OPTC: variants seen among roughly 807,000 people sequenced by gnomAD.
OPTC encodes oculoglycan.
In OPTC, 22 loss-of-function variants were observed where a neutral mutation model predicts 25.4. The observed-to-expected ratio is 0.87, with a 90% CI of 0.62 to 1.24. The LOEUF (loss-of-function observed/expected upper bound fraction) is 1.24. Ranked by LOEUF, OPTC falls within the 50% of genes most tolerant of loss-of-function variation. The pLI is 0.00. For synonymous variants in OPTC, 169 were observed against 179.3 expected (o/e 0.94, Z 0.46); for missense variants, 417 against 425.2 (o/e 0.98, Z 0.17).
At chr1:203,497,167 C>A (rs1356330794) in intron 3 of OPTC, 52 bp downstream of exon 3, 2 of 1,606,586 alleles carry the variant, frequency 1.2e-6, no homozygotes, top group African/African-American at 2.7e-5. Flanking sequence ...GGCCAAGCAG[C>A]TATGACCCAG....
At chr1:203,495,044 A>C (rs766752091) in intron 1 of OPTC, among the ~76,000 whole-genome samples, 3 of 152,218 alleles carry the variant, frequency 2.0e-5, no homozygotes, top group Non-Finnish European at 4.4e-5. Flanking sequence ...ATAAACTAAC[A>C]TTCTTTTTTA....
chr1:203,498,824 G>T lies in OPTC; in HGVS notation c.514G>T (p.Asp172Tyr). 6.2e-7 allele frequency: 1 copy of T among 1,613,998 alleles called. No individual in the cohort carries two copies. The highest frequency in any genetic ancestry group is 8.5e-7 in the Non-Finnish European group (1 of 1,180,024). Residue 172 changes from aspartate to tyrosine, a missense_variant, in exon 4 of 8, where the codon GAC becomes TAC. Coordinates refer to ENST00000367222, the MANE Select transcript of OPTC (RefSeq NM_014359.4). ...CCGCATCAGCCGTATCAGGGCCGAA[G>T]ACTTCAAAGGGCTGAGTATGTAATG... ...FNRISRIRAEDFKGLTKLKRI... is the reference protein window; with the variant it reads ...FNRISRIRAEYFKGLTKLKRI...
At chr1:203,501,193 C>T (rs1661386547) in intron 5 of OPTC, among the ~76,000 whole-genome samples, 2 of 152,250 alleles carry the variant, frequency 1.3e-5, no homozygotes, top group South Asian at 2.1e-4. Context: ...CTCTGCCTCC[C>T]GTGTTCAAGC....
chr1:203,501,873 C>T (rs1294600293), intron 5 of OPTC, among the ~76,000 whole-genome samples: 1 of 152,122 alleles, frequency 6.6e-6, no homozygotes, highest in East Asian at 1.9e-4. Flanking sequence ...CCTGAAGTTC[C>T]CCACTGCTCA....
rs761109751 is a variant in OPTC at position 203,503,764 on chromosome 1, C to T, written c.*25+19C>T. 4.5e-5 allele frequency: 71 copies of T among 1,587,532 alleles called. No individual in the cohort carries two copies. The highest frequency in any genetic ancestry group is 5.8e-5 in the Non-Finnish European group (68 of 1,171,432). On this transcript the variant is annotated intron_variant, in intron 7 of 7. Coordinates refer to ENST00000367222, the MANE Select transcript of OPTC (RefSeq NM_014359.4). Reference sequence around the variant, plus strand: ...CTCCCAGGTAAGAACCCTCCAAGGACCATGCAGGCATGGGCCTCCAGCCAT... The same window carrying T: ...CTCCCAGGTAAGAACCCTCCAAGGATCATGCAGGCATGGGCCTCCAGCCAT...
chr1:203,498,281 C>T (rs1267990589), intron 3 of OPTC, among the ~76,000 whole-genome samples: 6 of 152,188 alleles, frequency 3.9e-5, no homozygotes, highest in Non-Finnish European at 5.9e-5. Context: ...TTCTCTTCCC[C>T]AAGGCAGATG....
chr1:203,505,121 G>A (rs1205474161), intron 7 of OPTC, among the ~76,000 whole-genome samples: 1 of 152,172 alleles, frequency 6.6e-6, no homozygotes, highest in Non-Finnish European at 1.5e-5. Context: ...GATGAGGCAG[G>A]GAATTCACTT....
At position 203,499,704 on chromosome 1, in the gene OPTC, T is replaced by G; in HGVS notation, c.585T>G (p.Asp195Glu). 1 of 1,613,648 alleles carries G rather than the reference T, an allele frequency of 6.2e-7. No individual in the cohort carries two copies. The highest frequency in any genetic ancestry group is 8.5e-7 in the Non-Finnish European group (1 of 1,179,950). ...ACCTCATTTCCTCCATCGATAATGA[T>G]GCCTTCCGCCTGCTACATGCCCTCC... The part of the protein sequence containing the change: ...SNNLISSIDN[D>E]AFRLLHALQD... The change falls in exon 5 of 8, where the codon GAT (aspartate) becomes GAG (glutamate). Residue 195 changes from aspartate to glutamate, a missense_variant. Physicochemically the swap from Asp to Glu is conservative, Grantham distance 45. Coordinates refer to ENST00000367222, the MANE Select transcript of OPTC (RefSeq NM_014359.4).
At position 203,496,201 on chromosome 1, in the gene OPTC, G is replaced by A. The variant is rs1003793112; in HGVS notation, c.196G>A (p.Glu66Lys). The stretch of plus-strand genomic sequence containing the variant: ...TGAAGTCATTGACCTGAGCAACTAT[G>A]AGGAGCTCACAGATTATGGGGACCA... ...YGEVIDLSNY[E>K]ELTDYGDQLP... Residue 66 changes from glutamate (E) to lysine (K), a missense_variant, in exon 2 of 8, where the codon GAG becomes AAG. Physicochemically the swap from Glu to Lys is moderately conservative, Grantham distance 56. Transcript: ENST00000367222. 3.1e-6 allele frequency: 5 copies of A among 1,613,952 alleles called. No homozygotes were observed. Among genetic ancestry groups the A allele is most frequent in the Non-Finnish European group, 3.4e-6 (4 of 1,179,850 alleles).
Position 203,506,953 on chromosome 1 carries a change from C to A in OPTC, c.*26-1693C>A, listed in dbSNP as rs563213307. Among the ~76,000 whole-genome samples the A allele has an allele frequency of 1.1e-3, 162 of 152,358 alleles. 1 individual carries two copies. The highest frequency in any genetic ancestry group is 1.6e-3 in the Admixed American group (24 of 15,312). ...GCTCCGGGAGGGGTTCCCCAAGGGC[C>A]GCTGCCTCTGCAGCTGTCTCTTGGC... On this transcript the variant is annotated intron_variant, in intron 7 of 7. Coordinates refer to ENST00000367222, the MANE Select transcript of OPTC (RefSeq NM_014359.4).
chr1:203,505,264 C>A (rs1057328701), intron 7 of OPTC, among the ~76,000 whole-genome samples: 1 of 152,174 alleles, frequency 6.6e-6, no homozygotes, highest in Non-Finnish European at 1.5e-5. Flanking sequence ...AATAAGCACA[C>A]CAATAACCAT....
chr1:203,506,398 G>A (rs1017465872), intron 7 of OPTC, among the ~76,000 whole-genome samples: 4 of 151,630 alleles, frequency 2.6e-5, no homozygotes, highest in African/African-American at 4.8e-5. Context: ...TGATCTGCCC[G>A]CCTCGGCCTC....
intron 7 of OPTC, among the ~76,000 whole-genome samples, chr1:203,507,699 G>A (rs1415961405): frequency 6.6e-6 from 1 of 151,938 alleles, no homozygotes; most frequent in Non-Finnish European, 1.5e-5. Context: ...GAGAAAGGAT[G>A]AGTTTGCAAT....
At position 203,498,790 on chromosome 1, in the gene OPTC, AC is replaced by A. The variant is rs1661320196; in HGVS notation, c.481del (p.Arg161AlafsTer16). The A allele has an allele frequency of 6.2e-7, 1 of 1,613,924 alleles. No individual in the cohort carries two copies. Among genetic ancestry groups the A allele is most frequent in the Non-Finnish European group, 8.5e-7 (1 of 1,180,024 alleles). ...LPRRTAYLYA[R>X]FNRISRIRAE... ...CTCGGAGGACTGCCTACCTGTATGCACGCTTCAACCGCATCAGCCGTATCAG... is the reference window on the plus strand; with the variant it reads ...CTCGGAGGACTGCCTACCTGTATGCAGCTTCAACCGCATCAGCCGTATCAG... On this transcript the variant is annotated frameshift_variant, in exon 4 of 8. Transcript: ENST00000367222. LOFTEE classifies it high-confidence loss of function.
At chr1:203,502,697 C>T (rs552294099) in intron 5 of OPTC, among the ~76,000 whole-genome samples, 3 of 152,322 alleles carry the variant, frequency 2.0e-5, no homozygotes, top group Non-Finnish European at 4.4e-5. Flanking sequence ...TCAATGGTAG[C>T]AGCTTTCCTC....
At chr1:203,505,088 C>T (rs969207900) in intron 7 of OPTC, among the ~76,000 whole-genome samples, 6 of 152,114 alleles carry the variant, frequency 3.9e-5, no homozygotes, top group Admixed American at 6.5e-5. Flanking sequence ...GGCCTCAGGC[C>T]TCATGCTAAG....
intron 3 of OPTC, among the ~76,000 whole-genome samples, chr1:203,497,360 A>G (rs1042078058): frequency 2.6e-5 from 4 of 152,222 alleles, no homozygotes; most frequent in Non-Finnish European, 4.4e-5. Flanking sequence ...GAAGCAAAGA[A>G]ATGCAAGAAC....
At chr1:203,506,387 G>A (rs943219135) in intron 7 of OPTC, among the ~76,000 whole-genome samples, 1 of 151,832 alleles carries the variant, frequency 6.6e-6, no homozygotes, top group African/African-American at 2.4e-5. Context: ...CTGACCTCGG[G>A]TGATCTGCCC....
chr1:203,506,451 G>A (rs181710585), intron 7 of OPTC, among the ~76,000 whole-genome samples: 39 of 150,650 alleles, frequency 2.6e-4, no homozygotes, highest in East Asian at 2.2e-3. Context: ...ACTCCTGGCC[G>A]AGGAATCCAA....
Sources: allele counts gnomAD v4.1 joint callset (sites outside exome capture counted in the v4.1 genomes callset), GRCh38; gene constraint gnomAD v4.1.1; transcripts MANE v1.5; gene names NCBI Gene and HGNC (gene_info 2026-07-23, HGNC 2026-07-21).